Variants in C10orf71 observed in about 807,000 individuals in gnomAD.
C10orf71 encodes the protein chromosome 10 open reading frame 71.
For missense variants in C10orf71, 1,869 were observed against 1,804.5 expected, an observed-to-expected ratio of 1.04 and a Z score of -0.65; for synonymous variants, 758 against 726.3, an observed-to-expected ratio of 1.04 and a Z score of -0.70.
In C10orf71 at chr10:49,325,677, T is replaced by C; in HGVS notation, c.3132T>C (p.Pro1044=). The part of the protein sequence containing the change: ...HFLSTPRAGP[P]GRRLVPSERA... Reference sequence around the variant, plus strand: ...TGTCCACACCCAGAGCAGGGCCCCCTGGCAGAAGACTGGTCCCCAGTGAGA... The same window carrying C: ...TGTCCACACCCAGAGCAGGGCCCCCCGGCAGAAGACTGGTCCCCAGTGAGA... The change falls in exon 3 of 3, where the codon CCT becomes CCC. Residue 1044 remains proline (P), a synonymous_variant. Transcript: ENST00000374144. 1 of 1,552,026 alleles carries C rather than the reference T, an allele frequency of 6.4e-7. No homozygotes were observed. Among genetic ancestry groups the C allele is most frequent in the Non-Finnish European group, 8.7e-7 (1 of 1,147,044 alleles).
Position 49,322,477 on chromosome 10 carries a change from CT to C in C10orf71, c.-68del. The C allele has an allele frequency of 6.8e-7, 1 of 1,479,838 alleles. No homozygotes were observed. The highest frequency in any genetic ancestry group is 9.0e-7 in the Non-Finnish European group (1 of 1,110,996). 91.7% of individuals were successfully genotyped at this position (1,479,838 alleles called of 1,614,324 possible). A position where few individuals can be genotyped will look rare whatever the true frequency, so the allele number is the denominator to read the frequency against. On this transcript the variant is annotated 5_prime_UTR_variant, in exon 3 of 3. An upstream open reading frame in the 5' UTR loses its in-frame stop. Transcript: ENST00000374144. Reference sequence around the variant, plus strand: ...CTAGTTTTGGGGAAGAGGGAAACACCTAACCTTGACAGAATCATCACCAGAG... The same window carrying C: ...CTAGTTTTGGGGAAGAGGGAAACACCAACCTTGACAGAATCATCACCAGAG...
chr10:49,308,910 G>A (rs1439925246), intron 1 of C10orf71, among the ~76,000 whole-genome samples: 2 of 152,206 alleles, frequency 1.3e-5, no homozygotes, highest in Non-Finnish European at 2.9e-5. Flanking sequence ...TCAACCTGGG[G>A]CCAGAGAGCA....
At chr10:49,298,002 G>T (rs1204802379), upstream of C10orf71, among the ~76,000 whole-genome samples, 2 of 152,236 alleles carry the variant, frequency 1.3e-5, no homozygotes, top group Non-Finnish European at 2.9e-5. Flanking sequence ...CTGCTGGTTG[G>T]AATCTCACAC....
chr10:49,304,148 G>A (rs1488567689), intron 1 of C10orf71, among the ~76,000 whole-genome samples: 1 of 152,180 alleles, frequency 6.6e-6, no homozygotes, highest in African/African-American at 2.4e-5. Flanking sequence ...TCCCTGGCGG[G>A]ACCAGATGCA....
chr10:49,303,025 G>A (rs1026887619), intron 1 of C10orf71, among the ~76,000 whole-genome samples: 2 of 152,198 alleles, frequency 1.3e-5, no homozygotes, highest in African/African-American at 4.8e-5. Flanking sequence ...CCAGCACGTG[G>A]TAGAAATACA....
chr10:49,302,123 C>T (rs991652538), intron 1 of C10orf71, among the ~76,000 whole-genome samples: 1 of 152,186 alleles, frequency 6.6e-6, no homozygotes. Context: ...AGGGGAGGCT[C>T]TCCAATTTGC....
At position 49,324,192 on chromosome 10, in the gene C10orf71, G is replaced by A. The variant is rs1164719391; in HGVS notation, c.1647G>A (p.Glu549=). The A allele has an allele frequency of 6.2e-7, 1 of 1,613,928 alleles. No individual in the cohort carries two copies. The highest frequency in any genetic ancestry group is 1.6e-4 in the Middle Eastern group (1 of 6,062). ...GTGTCATCCTCCCCAATGGGCTTGAGGAAAGCCCTCCAAATGAGCTTTCTA... is the reference window on the plus strand; with the variant it reads ...GTGTCATCCTCCCCAATGGGCTTGAAGAAAGCCCTCCAAATGAGCTTTCTA... The part of the protein sequence containing the change: ...SNGVILPNGL[E]ESPPNELSKE... The change falls in exon 3 of 3, where the codon GAG becomes GAA. Residue 549 remains glutamate (E), a synonymous_variant. Coordinates refer to ENST00000374144, the MANE Select transcript of C10orf71 (RefSeq NM_001135196.2).
Position 49,325,866 on chromosome 10 carries a change from CACCCGGAGGGAGGACCTG to C in C10orf71, c.3326_3343del (p.Arg1109_Thr1114del), listed in dbSNP as rs1455733419. The C allele has an allele frequency of 1.3e-6, 2 of 1,550,250 alleles. No homozygotes were observed. Among genetic ancestry groups the C allele is most frequent in the South Asian group, 2.4e-5 (2 of 83,988 alleles). Reference sequence around the variant, plus strand: ...GGGCCAGCTCCAGTCCTGCCAGGGTCACCCGGAGGGAGGACCTGACCCACGCCCTCGTGTGGGAGGGCG... The same window carrying C: ...GGGCCAGCTCCAGTCCTGCCAGGGTCACCCACGCCCTCGTGTGGGAGGGCG... On this transcript the variant is annotated inframe_deletion, in exon 3 of 3. Coordinates refer to ENST00000374144, the MANE Select transcript of C10orf71 (RefSeq NM_001135196.2).
At chr10:49,312,795 G>T (rs1161733022) in intron 1 of C10orf71, among the ~76,000 whole-genome samples, 1 of 152,050 alleles carries the variant, frequency 6.6e-6, no homozygotes, top group Non-Finnish European at 1.5e-5. Context: ...CTTACCATGG[G>T]GGGAATTTTA....
In C10orf71 at chr10:49,323,253, C is replaced by G. The variant is rs948056220; in HGVS notation, c.708C>G (p.Leu236=). Residue 236 remains leucine (L), a synonymous_variant, in exon 3 of 3, where the codon CTC becomes CTG. Transcript: ENST00000374144. ...EMACHGSSSF[L]PAANDTATLC... ...CCTGTCACGGCTCCAGCAGCTTCCT[C>G]CCAGCAGCCAATGACACGGCCACCT... 1.2e-6 allele frequency: 2 copies of G among 1,613,724 alleles called. No homozygotes were observed. The highest frequency in any genetic ancestry group is 2.7e-5 in the African/African-American group (2 of 74,916).
At position 49,325,232 on chromosome 10, in the gene C10orf71, G is replaced by A. The variant is rs1849199577; in HGVS notation, c.2687G>A (p.Arg896Lys). The A allele has an allele frequency of 3.2e-6, 5 of 1,551,940 alleles. No individual in the cohort carries two copies. The East Asian group carries it at 1.2e-4, about 38-fold the overall frequency. Residue 896 changes from arginine (R) to lysine (K), a missense_variant, in exon 3 of 3, where the codon AGG becomes AAG. Arg to Lys is a conservative substitution (Grantham distance 26). Coordinates refer to ENST00000374144, the MANE Select transcript of C10orf71 (RefSeq NM_001135196.2). ...GGCCACAAAGAGGAGGAATTGCCAA[G>A]GCCAGAATGGGGTGAGGATCCTGGG... ...SSGHKEEELP[R>K]PEWGEDPGFC...
chr10:49,324,619 C>T lies in C10orf71; in HGVS notation c.2074C>T (p.His692Tyr), dbSNP rs754786325. 8.1e-6 allele frequency: 13 copies of T among 1,613,960 alleles called. No individual in the cohort carries two copies. The highest frequency in any genetic ancestry group is 1.3e-5 in the African/African-American group (1 of 75,042). The stretch of plus-strand genomic sequence containing the variant: ...GAGGGAAGCAGGACTTCAGAACACA[C>T]ATTTGAACCAGAAATTCTTCCCAGG... The part of the protein sequence containing the change: ...PEREAGLQNT[H>Y]LNQKFFPGPL... Residue 692 changes from histidine to tyrosine, a missense_variant, in exon 3 of 3, where the codon CAT (histidine) becomes TAT (tyrosine). Physicochemically the swap from His to Tyr is moderately conservative, Grantham distance 83. Transcript: ENST00000374144.
rs1251402885 is a variant in C10orf71, at chr10:49,325,923, A to G, written c.3378A>G (p.Leu1126=). 1.0e-5 allele frequency: 16 copies of G among 1,551,104 alleles called. No individual in the cohort carries two copies. The highest frequency in any genetic ancestry group is 1.3e-5 in the Non-Finnish European group (15 of 1,146,646). The change falls in exon 3 of 3, where the codon CTA becomes CTG. Residue 1126 remains leucine (L), a synonymous_variant. Coordinates refer to ENST00000374144, the MANE Select transcript of C10orf71 (RefSeq NM_001135196.2). ...ALVWEGGSDP[L]LELSAEDLRT... ...TGTGGGAGGGCGGCTCTGACCCCCT[A>G]CTTGAGCTGTCGGCAGAAGACCTCC... is the stretch of plus-strand genomic sequence containing the variant.
chr10:49,315,160 C>T (rs1288629531), intron 1 of C10orf71, among the ~76,000 whole-genome samples: 1 of 152,168 alleles, frequency 6.6e-6, no homozygotes, highest in Non-Finnish European at 1.5e-5. Flanking sequence ...AGACACAGAG[C>T]ACCTCTGTGA....
In C10orf71 at chr10:49,325,377, GGC is replaced by G; in HGVS notation, c.2833_2834del (p.Ala945GlnfsTer65). The G allele has an allele frequency of 6.4e-7, 1 of 1,551,584 alleles. No homozygotes were observed. The highest frequency in any genetic ancestry group is 8.7e-7 in the Non-Finnish European group (1 of 1,146,900). ...MEDPGQGSSM[A>X]RMEASQPAPK... ...AGGACCCTGGGCAGGGGTCGAGCATGGCCAGGATGGAGGCCTCTCAGCCAGCC... is the reference window on the plus strand; with the variant it reads ...AGGACCCTGGGCAGGGGTCGAGCATGCAGGATGGAGGCCTCTCAGCCAGCC... On this transcript the variant is annotated frameshift_variant, in exon 3 of 3. Transcript: ENST00000374144. LOFTEE classifies it low-confidence loss of function (END_TRUNC).
Position 49,324,030 on chromosome 10 carries a change from A to G in C10orf71, c.1485A>G (p.Lys495=), listed in dbSNP as rs569703214. The part of the protein sequence containing the change: ...ECQSRDSYKS[K]APSLLFNLKD... ...AGTCTCGAGACAGCTACAAGTCCAA[A>G]GCCCCTAGCCTGCTGTTCAACCTCA... Residue 495 remains lysine, a synonymous_variant, in exon 3 of 3, where the codon AAA becomes AAG. Transcript: ENST00000374144. The G allele has an allele frequency of 3.7e-6, 6 of 1,613,736 alleles. No individual in the cohort carries two copies. The East Asian group carries it at 1.3e-4, about 36-fold the overall frequency.
chr10:49,327,108 C>G lies in C10orf71; in HGVS notation c.*255C>G. On this transcript the variant is annotated 3_prime_UTR_variant, in exon 3 of 3. Transcript: ENST00000374144. ...TGGCCCGGTCCCCTCCGTGCCAGTT[C>G]CCAGGCGCACTCTACTCCAGCCCTT... 7.7e-7 allele frequency: 1 copy of G among 1,297,414 alleles called. No homozygotes were observed. Among genetic ancestry groups the G allele is most frequent in the Non-Finnish European group, 1.0e-6 (1 of 965,982 alleles). The allele number at this position is 1,297,414 out of a possible 1,614,324, so 80.4% of individuals were successfully genotyped here. A position where few individuals can be genotyped will look rare whatever the true frequency, so the allele number is the denominator to read the frequency against.
chr10:49,324,791 C>T lies in C10orf71; in HGVS notation c.2246C>T (p.Thr749Ile). The change falls in exon 3 of 3, where the codon ACT becomes ATT. Residue 749 changes from threonine (T) to isoleucine (I), a missense_variant. Transcript: ENST00000374144. The stretch of plus-strand genomic sequence containing the variant: ...GATGATCAGCAGAAGATGTGGTTTA[C>T]TGAGAACCAGCGGGAAGACAGGAGG... ...SFDDQQKMWF[T>I]ENQREDRRKD... 6.4e-7 allele frequency: 1 copy of T among 1,552,376 alleles called. No individual in the cohort carries two copies. The highest frequency in any genetic ancestry group is 8.7e-7 in the Non-Finnish European group (1 of 1,147,236).
chr10:49,325,970 C>A lies in C10orf71; in HGVS notation c.3425C>A (p.Ser1142Ter). Residue 1142 changes from serine (S) to a stop codon, truncating the protein, a stop_gained, in exon 3 of 3, where the codon TCA becomes TAA. Coordinates refer to ENST00000374144, the MANE Select transcript of C10orf71 (RefSeq NM_001135196.2). LOFTEE classifies it low-confidence loss of function (END_TRUNC). The part of the protein sequence containing the change: ...EDLRTLSPRG[S>*]LLDVATSPAG... ...CTCCGGACCCTCTCTCCAAGAGGTT[C>A]ATTGCTGGATGTGGCCACCAGCCCA... 6.4e-7 allele frequency: 1 copy of A among 1,551,702 alleles called. No individual in the cohort carries two copies. Among genetic ancestry groups the A allele is most frequent in the Non-Finnish European group, 8.7e-7 (1 of 1,146,984 alleles).
Sources: gnomAD v4.1 joint callset for allele counts (sites outside exome capture counted in the v4.1 genomes callset) on GRCh38, gnomAD v4.1.1 for gene constraint, MANE v1.5 for transcripts, NCBI Gene and HGNC (gene_info 2026-07-23, HGNC 2026-07-21) for gene names.